RNPC3: variants seen among roughly 807,000 people sequenced by gnomAD.
RNPC3 encodes the protein RNA binding region (RNP1, RRM) containing 3.
Under a neutral mutation model 67.5 loss-of-function variants are expected in RNPC3, and 48 were observed. The observed-to-expected ratio is 0.71, with a 90% confidence interval of 0.56 to 0.90. The LOEUF is 0.90. Ranked by LOEUF, RNPC3 falls within the 40% of genes least tolerant of loss-of-function variation. The pLI, the probability that RNPC3 is intolerant of heterozygous loss-of-function variation, is 0.00. For synonymous variants in RNPC3, 239 were observed against 210.3 expected (o/e 1.14, Z -1.18); for missense variants, 637 against 626.1 (o/e 1.02, Z -0.19).
intron 7 of RNPC3, among the ~76,000 whole-genome samples, chr1:103,540,917 A>T (rs1231226975): frequency 6.6e-6 from 1 of 152,156 alleles, no homozygotes; most frequent in Non-Finnish European, 1.5e-5. Context: ...TTATTCACAA[A>T]ATGCTTTTAA....
At chr1:103,537,907 G>A (rs979254673) in intron 7 of RNPC3, among the ~76,000 whole-genome samples, 1 of 151,896 alleles carries the variant, frequency 6.6e-6, no homozygotes, top group Admixed American at 6.6e-5. Flanking sequence ...GCAATGGCGC[G>A]ATCTCAGCTC....
rs1210730383 is a variant in RNPC3, at chr1:103,546,962, T to G, written c.1303-15T>G. ...CCTGGCTTTGTTATTTGTCTTTTTC[T>G]TATTGAAATTCTAGGACCTTAAATA... On this transcript the variant is annotated splice_polypyrimidine_tract_variant and intron_variant, in intron 11 of 14. Transcript: ENST00000423855. The G allele has an allele frequency of 1.1e-5, 14 of 1,332,216 alleles. No individual in the cohort carries two copies. Among genetic ancestry groups the G allele is most frequent in the East Asian group, 5.1e-5 (2 of 39,406 alleles). The allele number at this position is 1,332,216 out of a possible 1,614,324, so 82.5% of individuals were successfully genotyped here. A position where few individuals can be genotyped will look rare whatever the true frequency, so the allele number is the denominator to read the frequency against.
chr1:103,529,248 T>G (rs1650783987), intron 2 of RNPC3, among the ~76,000 whole-genome samples: 1 of 152,194 alleles, frequency 6.6e-6, no homozygotes, highest in South Asian at 2.1e-4. Context: ...ACTTTTATAA[T>G]GGTAGGTAAT....
chr1:103,527,740 A>G lies in RNPC3; in HGVS notation c.238A>G (p.Lys80Glu). 2.6e-6 allele frequency: 4 copies of G among 1,545,552 alleles called. No homozygotes were observed. The highest frequency in any genetic ancestry group is 3.5e-6 in the Non-Finnish European group (4 of 1,142,020). The change falls in exon 2 of 15, where the codon AAG becomes GAG. Residue 80 changes from lysine to glutamate, a missense_variant and splice_region_variant. Lys to Glu is a moderately conservative substitution (Grantham distance 56, BLOSUM62 1). Coordinates refer to ENST00000423855, the MANE Select transcript of RNPC3 (RefSeq NM_017619.4). ...ATTCCCTAATGAAAAAGCAGCTATA[A>G]AGGTATGACTTTTTCTTGACGATTA... ...ATFPNEKAAI[K>E]ALTRLHQLKL...
intron 2 of RNPC3, among the ~76,000 whole-genome samples, chr1:103,530,794 A>C (rs1159078515): frequency 1.3e-5 from 2 of 152,140 alleles, no homozygotes; most frequent in African/African-American, 2.4e-5. Context: ...GGTAGTGGTT[A>C]GCGGTGATTA....
Position 103,547,010 on chromosome 1 carries a change from T to A in RNPC3, c.1336T>A (p.Phe446Ile). 6.7e-7 allele frequency: 1 copy of A among 1,500,932 alleles called. No homozygotes were observed. The highest frequency in any genetic ancestry group is 1.2e-5 in the South Asian group (1 of 80,698). The allele number at this position is 1,500,932 out of a possible 1,614,324, so 93.0% of individuals were successfully genotyped here. A position where few individuals can be genotyped will look rare whatever the true frequency, so the allele number is the denominator to read the frequency against. The change falls in exon 12 of 15, where the codon TTT becomes ATT. Residue 446 changes from phenylalanine (F) to isoleucine (I), a missense_variant. Physicochemically the swap from Phe to Ile is conservative, Grantham distance 21 (BLOSUM62 0). Around this residue, in one of 3 missense-constraint regions of RNPC3, gnomAD observed 96 missense variants for 105.8 expected, o/e 0.91. Transcript: ENST00000423855. Reference protein sequence around the residue: ...LKYIFGRYVDFSSETQRIMFD... With the variant: ...LKYIFGRYVDISSETQRIMFD... ...ATATATTTTTGGAAGATATGTTGAC[T>A]TTTCATCAGAAACACAGCGGATCAT...
At chr1:103,529,730 T>A (rs1650800228) in intron 2 of RNPC3, among the ~76,000 whole-genome samples, 1 of 152,134 alleles carries the variant, frequency 6.6e-6, no homozygotes. Context: ...TTGAAACATT[T>A]TAAAATTAAC....
Position 103,533,721 on chromosome 1 carries a change from T to C in RNPC3, c.241-18T>C, listed in dbSNP as rs1650918146. 7.7e-7 allele frequency: 1 copy of C among 1,293,042 alleles called. No homozygotes were observed. Among genetic ancestry groups the C allele is most frequent in the Non-Finnish European group, 1.1e-6 (1 of 926,562 alleles). The allele number at this position is 1,293,042 out of a possible 1,614,324, so 80.1% of individuals were successfully genotyped here. On this transcript the variant is annotated intron_variant, in intron 2 of 14. Transcript: ENST00000423855. Reference sequence around the variant, plus strand: ...TGGTACAATTGTGAAATGTTTACTCTTGTTCTTTTAACTGAAGGCATTGAC... The same window carrying C: ...TGGTACAATTGTGAAATGTTTACTCCTGTTCTTTTAACTGAAGGCATTGAC...
chr1:103,527,917 TTATC>T (rs1467287294), intron 2 of RNPC3, among the ~76,000 whole-genome samples, 175 bp downstream of exon 2: 1 of 152,222 alleles, frequency 6.6e-6, no homozygotes, highest in Non-Finnish European at 1.5e-5. Flanking sequence ...CTTTAGTAGA[TTATC>T]TATAAAGAAA....
chr1:103,537,837 A>T (rs1197176318), intron 7 of RNPC3, among the ~76,000 whole-genome samples: 2 of 151,238 alleles, frequency 1.3e-5, no homozygotes, highest in East Asian at 1.9e-4. Context: ...CTTTTTATTT[A>T]TTATTATTAT....
chr1:103,542,694 T>G (rs1335874198), intron 8 of RNPC3, among the ~76,000 whole-genome samples: 3 of 151,782 alleles, frequency 2.0e-5, no homozygotes, highest in African/African-American at 7.2e-5. Context: ...TATTTTACCT[T>G]TTTTTCCCTT....
At chr1:103,544,415 C>T (rs1055245569) in intron 9 of RNPC3, among the ~76,000 whole-genome samples, 1 of 151,824 alleles carries the variant, frequency 6.6e-6, no homozygotes. Flanking sequence ...ATATACTTTA[C>T]ATTTTTTGGC....
At chr1:103,549,096 A>G (rs1031470774) in intron 12 of RNPC3, among the ~76,000 whole-genome samples, 6 of 152,150 alleles carry the variant, frequency 3.9e-5, no homozygotes, top group Admixed American at 3.9e-4. Context: ...AGGAGTTACA[A>G]TTCAAATGAG....
At chr1:103,550,687 G>A (rs1651367985) in intron 12 of RNPC3, among the ~76,000 whole-genome samples, 1 of 149,496 alleles carries the variant, frequency 6.7e-6, no homozygotes, top group South Asian at 2.1e-4. Context: ...GTTGCTAATA[G>A]TATAATTTTT....
Position 103,546,359 on chromosome 1 carries a change from T to G in RNPC3, c.1302+17T>G, listed in dbSNP as rs1259429195. On this transcript the variant is annotated intron_variant, in intron 11 of 14. Coordinates refer to ENST00000423855, the MANE Select transcript of RNPC3 (RefSeq NM_017619.4). ...CAAGAAAAGGTAGGTATAAATTGATTTTTTTTCATGTAAATGAAAATAATT... is the reference window on the plus strand; with the variant it reads ...CAAGAAAAGGTAGGTATAAATTGATGTTTTTTCATGTAAATGAAAATAATT... 4.1e-6 allele frequency: 5 copies of G among 1,228,548 alleles called. No homozygotes were observed. The highest frequency in any genetic ancestry group is 5.5e-6 in the Non-Finnish European group (5 of 905,376). The allele number at this position is 1,228,548 out of a possible 1,614,324, so 76.1% of individuals were successfully genotyped here.
At chr1:103,537,824 G>A (rs1027177057) in intron 7 of RNPC3, among the ~76,000 whole-genome samples, 21 of 151,692 alleles carry the variant, frequency 1.4e-4, no homozygotes, top group Admixed American at 9.2e-4. Flanking sequence ...AATAATCGAC[G>A]TGCTTTTTAT....
At chr1:103,546,775 C>T (rs1258724790) in intron 11 of RNPC3, 4 of 432,734 alleles carry the variant, frequency 9.2e-6, no homozygotes, top group Non-Finnish European at 4.0e-6. Flanking sequence ...AGCATCACCA[C>T]AATTTCTGCC....
chr1:103,529,276 G>A (rs887306127), intron 2 of RNPC3, among the ~76,000 whole-genome samples: 4 of 151,980 alleles, frequency 2.6e-5, no homozygotes, highest in Admixed American at 6.6e-5. Flanking sequence ...CAGAAAAAAA[G>A]TATTTTTAAA....
chr1:103,538,785 ATAAT>A (rs1345147777), intron 7 of RNPC3, among the ~76,000 whole-genome samples: 1 of 152,242 alleles, frequency 6.6e-6, no homozygotes, highest in Non-Finnish European at 1.5e-5. Context: ...ATACAAAACT[ATAAT>A]TAGTAACTAC....
Sources: allele counts gnomAD v4.1 joint callset (sites outside exome capture counted in the v4.1 genomes callset), GRCh38; gene constraint gnomAD v4.1.1; regional missense constraint gnomAD v4.1.1; transcripts MANE v1.5; gene names NCBI Gene and HGNC (gene_info 2026-07-23, HGNC 2026-07-21).